The following SCHIP1 variants were observed in gnomAD, a reference collection of about 807,000 sequenced individuals.
SCHIP1 encodes the protein schwannomin-interacting protein 1.
Under a neutral mutation model 29.7 loss-of-function variants are expected in SCHIP1, and 8 were observed. The ratio of observed to expected loss-of-function variants is 0.27; its 90% confidence interval spans 0.16 to 0.49. The LOEUF is 0.49. SCHIP1 is among the 20% of genes least tolerant of loss of function. The probability of loss-of-function intolerance (pLI) is 0.99; values close to 1 mark genes in which losing one functional copy is unlikely to be tolerated. For synonymous variants in SCHIP1, 76 were observed against 94.9 expected, an observed-to-expected ratio of 0.80 and a Z score of 1.16; for missense variants, 193 against 294.6, an observed-to-expected ratio of 0.66 and a Z score of 2.52.
At chr3:159,740,887 C>A in the SCHIP1 span, among the ~76,000 whole-genome samples, 6 of 151,186 alleles carry the variant, frequency 4.0e-5, no homozygotes, top group East Asian at 9.7e-4. Flanking sequence ...AAATAAGGAG[C>A]TGAATCAAGT....
the SCHIP1 span, among the ~76,000 whole-genome samples, chr3:159,507,303 T>C: frequency 1.3e-5 from 2 of 152,216 alleles, no homozygotes; most frequent in African/African-American, 4.8e-5. Flanking sequence ...CTTGTGATTT[T>C]TGCACATTGA....
At chr3:159,817,962 C>G in the SCHIP1 span, among the ~76,000 whole-genome samples, 1 of 152,198 alleles carries the variant, frequency 6.6e-6, no homozygotes, top group Non-Finnish European at 1.5e-5. Flanking sequence ...AATAAACATG[C>G]AGTCCCCTTT....
At chr3:159,358,837 G>C in the SCHIP1 span, among the ~76,000 whole-genome samples, 1 of 151,080 alleles carries the variant, frequency 6.6e-6, no homozygotes, top group African/African-American at 2.4e-5. Context: ...GCTTATGAGA[G>C]ACTCCCTTGG....
chr3:159,344,769 C>G, the SCHIP1 span, among the ~76,000 whole-genome samples: 6 of 152,148 alleles, frequency 3.9e-5, no homozygotes, highest in Non-Finnish European at 8.8e-5. Flanking sequence ...CTAAGAAAGT[C>G]TGAATGAAGT....
chr3:159,827,729 C>T, the SCHIP1 span, among the ~76,000 whole-genome samples: 5 of 150,746 alleles, frequency 3.3e-5, no homozygotes, highest in African/African-American at 1.2e-4. Context: ...GGCGTGAACC[C>T]GGGAAGCGGA....
chr3:159,693,757 T>C, the SCHIP1 span, among the ~76,000 whole-genome samples: 2 of 152,208 alleles, frequency 1.3e-5, no homozygotes, highest in Non-Finnish European at 2.9e-5. Flanking sequence ...CTTAAGTATG[T>C]AGAAAAATTC....
chr3:159,610,935 ATTTTT>A, the SCHIP1 span, among the ~76,000 whole-genome samples: 109 of 152,206 alleles, frequency 7.2e-4, no homozygotes, highest in South Asian at 0.012. Context: ...ATAATATCTT[ATTTTT>A]ATCTAGCAGT....
chr3:159,754,165 C>T, the SCHIP1 span, among the ~76,000 whole-genome samples: 1 of 152,184 alleles, frequency 6.6e-6, no homozygotes, highest in African/African-American at 2.4e-5. Context: ...GAATTAATAA[C>T]AGGTTATGGG....
chr3:159,618,304 C>A, the SCHIP1 span, among the ~76,000 whole-genome samples: 3 of 152,264 alleles, frequency 2.0e-5, no homozygotes, highest in Admixed American at 2.0e-4. Flanking sequence ...ATTCTAACTT[C>A]TAATTTTACA....
chr3:159,439,349 C>T, the SCHIP1 span, among the ~76,000 whole-genome samples: 34 of 152,204 alleles, frequency 2.2e-4, no homozygotes, highest in African/African-American at 7.9e-4. Flanking sequence ...AAAGGGAAAG[C>T]AAGGCACTTT....
Position 159,858,213 on chromosome 3 carries a change from A to G in SCHIP1, c.31-7950A>G, listed in dbSNP as rs576447015. 8.4e-4 allele frequency among the ~76,000 whole-genome samples: 128 copies of G among 152,338 alleles called. 1 individual carries two copies. Among genetic ancestry groups the G allele is most frequent in the African/African-American group, 3.0e-3 (123 of 41,574 alleles). Reference sequence around the variant, plus strand: ...GCTAAAAAGTATTCTCTGGGAGGCAATCATTTGAGAAGTAGAATGAGCTCA... The same window carrying G: ...GCTAAAAAGTATTCTCTGGGAGGCAGTCATTTGAGAAGTAGAATGAGCTCA... On this transcript the variant is annotated intron_variant, in intron 1 of 6. Coordinates refer to ENST00000445224, the Ensembl canonical transcript of SCHIP1.
chr3:159,539,003 A>G, the SCHIP1 span, among the ~76,000 whole-genome samples: 1 of 152,182 alleles, frequency 6.6e-6, no homozygotes, highest in South Asian at 2.1e-4. Flanking sequence ...GGATGGTTAT[A>G]TAAGTGGATG....
intron 2 of SCHIP1, among the ~76,000 whole-genome samples, chr3:159,884,349 C>CTGTGTCTGTG (rs1553799549): frequency 7.1e-6 from 1 of 140,548 alleles, no homozygotes; most frequent in African/African-American, 2.7e-5. Flanking sequence ...GTGTCTGTGT[C>CTGTGTCTGTG]TGTGTGTGTG....
At chr3:159,661,637 T>C in the SCHIP1 span, among the ~76,000 whole-genome samples, 1 of 152,220 alleles carries the variant, frequency 6.6e-6, no homozygotes, top group Non-Finnish European at 1.5e-5. Flanking sequence ...TTTAAATGTT[T>C]ATCTTAGGTA....
the SCHIP1 span, among the ~76,000 whole-genome samples, chr3:159,477,230 A>G: frequency 1.3e-5 from 2 of 152,148 alleles, no homozygotes; most frequent in Non-Finnish European, 2.9e-5. Context: ...GGCTATTGTG[A>G]ATAATGCTGC....
chr3:159,776,705 C>T, the SCHIP1 span, among the ~76,000 whole-genome samples: 2 of 152,162 alleles, frequency 1.3e-5, no homozygotes, highest in African/African-American at 4.8e-5. Context: ...TCTTGTGTCT[C>T]ATATAGAAAC....
At chr3:159,300,174 T>C in the SCHIP1 span, among the ~76,000 whole-genome samples, 1 of 131,572 alleles carries the variant, frequency 7.6e-6, no homozygotes, top group Non-Finnish European at 1.6e-5. Flanking sequence ...CAGGCTGGAG[T>C]GCGAATGGCA....
the SCHIP1 span, among the ~76,000 whole-genome samples, chr3:159,394,498 T>G: frequency 6.6e-6 from 1 of 152,212 alleles, no homozygotes; most frequent in African/African-American, 2.4e-5. Flanking sequence ...CATCAATACC[T>G]AATTTATTGA....
chr3:159,472,453 G>A, the SCHIP1 span, among the ~76,000 whole-genome samples: 1 of 152,126 alleles, frequency 6.6e-6, no homozygotes, highest in Non-Finnish European at 1.5e-5. Flanking sequence ...CAGTGCAATT[G>A]CTGGTATTTA....
Sources: allele counts gnomAD v4.1 joint callset (sites outside exome capture counted in the v4.1 genomes callset), GRCh38; gene constraint gnomAD v4.1.1; transcripts MANE v1.5; gene names NCBI Gene and HGNC (gene_info 2026-07-23, HGNC 2026-07-21).